The following KIF15 variants were observed in gnomAD, a reference collection of about 807,000 sequenced individuals.
The protein encoded by KIF15 is kinesin-like protein KIF15.
Under a neutral mutation model 190.6 loss-of-function variants are expected in KIF15, and 140 were observed. The ratio of observed to expected loss-of-function variants is 0.73; its 90% CI spans 0.64 to 0.84. The LOEUF is 0.84. Among genes scored for constraint, KIF15 ranks in the 40% least tolerant of loss-of-function variants. KIF15 has a pLI of 0.00. For synonymous variants in KIF15, 528 were observed against 551.3 expected, an observed-to-expected ratio of 0.96 and a Z score of 0.59; for missense variants, 1,372 against 1,584.4, an observed-to-expected ratio of 0.87 and a Z score of 2.28.
At chr3:44,802,359 T>C (rs977931813) in intron 13 of KIF15, among the ~76,000 whole-genome samples, 38 of 152,214 alleles carry the variant, frequency 2.5e-4, no homozygotes, top group Admixed American at 2.2e-3. Flanking sequence ...AAATCTCTTA[T>C]CAGCTTCTTG....
Position 44,824,456 on chromosome 3 carries a change from A to G in KIF15, c.2550-1583A>G, listed in dbSNP as rs556419058. Among the ~76,000 whole-genome samples the G allele has an allele frequency of 7.1e-4, 108 of 152,282 alleles. 1 individual carries two copies. Among genetic ancestry groups the G allele is most frequent in the Non-Finnish European group, 1.5e-3 (99 of 68,038 alleles). On this transcript the variant is annotated intron_variant, in intron 20 of 34. Coordinates refer to ENST00000326047, the MANE Select transcript of KIF15 (RefSeq NM_020242.3). Reference sequence around the variant, plus strand: ...TTGGCCTGTAATCTACTTGAAGTGCAGTGGTATAACCCAACTCAAATTAGT... The same window carrying G: ...TTGGCCTGTAATCTACTTGAAGTGCGGTGGTATAACCCAACTCAAATTAGT...
chr3:44,763,798 G>A (rs1003768414), intron 1 of KIF15, among the ~76,000 whole-genome samples: 1 of 149,338 alleles, frequency 6.7e-6, no homozygotes, highest in African/African-American at 2.5e-5. Flanking sequence ...AGCAGTACTC[G>A]TGCCTCAGCC....
chr3:44,829,994 C>T lies in KIF15; in HGVS notation c.2967C>T (p.Asn989=), dbSNP rs772767230. 6.3e-7 allele frequency: 1 copy of T among 1,590,458 alleles called. No homozygotes were observed. The highest frequency in any genetic ancestry group is 8.5e-7 in the Non-Finnish European group (1 of 1,170,414). Residue 989 remains asparagine (N), a synonymous_variant, in exon 25 of 35, where the codon AAC becomes AAT. Transcript: ENST00000326047. Reference sequence around the variant, plus strand: ...AGAAAGTTGTAGCTGACCTCATGAACCAGATCCAGGAGCTAAGAACATCGG... The same window carrying T: ...AGAAAGTTGTAGCTGACCTCATGAATCAGATCCAGGAGCTAAGAACATCGG... ...SDKKVVADLM[N]QIQELRTSVC...
At chr3:44,828,743 A>G (rs894082724) in intron 24 of KIF15, among the ~76,000 whole-genome samples, 1 of 152,258 alleles carries the variant, frequency 6.6e-6, no homozygotes, top group African/African-American at 2.4e-5. Flanking sequence ...AAATGATTAA[A>G]TGAAATATTA....
At chr3:44,803,398 T>A (rs1199683921) in intron 14 of KIF15, among the ~76,000 whole-genome samples, 3 of 152,222 alleles carry the variant, frequency 2.0e-5, no homozygotes, top group Non-Finnish European at 2.9e-5. Context: ...TATAGAAAGG[T>A]CAGACTCATA....
chr3:44,819,552 G>C (rs1285124801), intron 20 of KIF15, among the ~76,000 whole-genome samples: 1 of 152,218 alleles, frequency 6.6e-6, no homozygotes, highest in African/African-American at 2.4e-5. Context: ...TAGTGGTGCA[G>C]TTTTGAGTGA....
At chr3:44,861,766 A>G in intron 6 of KIF15, 1 of 788,584 alleles carries the variant, frequency 1.3e-6, no homozygotes. Context: ...GGTCTCTGCC[A>G]CCTGGCCCGC....
intron 10 of KIF15, among the ~76,000 whole-genome samples, chr3:44,800,077 G>A (rs1447784243): frequency 6.6e-6 from 1 of 152,130 alleles, no homozygotes. Context: ...CTAGTCAGCT[G>A]GGGGGCAGAG....
At chr3:44,832,485 A>G (rs1698119244) in intron 26 of KIF15, among the ~76,000 whole-genome samples, 1 of 152,130 alleles carries the variant, frequency 6.6e-6, no homozygotes, top group Admixed American at 6.5e-5. Flanking sequence ...TGAAGGGAAG[A>G]AGCAGTCAGA....
intron 1 of KIF15, 109 bp downstream of exon 1, chr3:44,761,993 G>C: frequency 7.3e-7 from 1 of 1,376,614 alleles, no homozygotes; most frequent in Non-Finnish European, 1.0e-6. Flanking sequence ...ATGAACTGCA[G>C]GAGCTGAGTG....
intron 29 of KIF15, 139 bp downstream of exon 29, chr3:44,841,377 A>C: frequency 1.7e-6 from 1 of 581,812 alleles, no homozygotes; most frequent in Non-Finnish European, 3.0e-6. Context: ...CACCATGCCC[A>C]GCCAGTAAAT....
intron 26 of KIF15, among the ~76,000 whole-genome samples, chr3:44,835,885 A>T (rs1698286093): frequency 1.3e-5 from 2 of 152,236 alleles, no homozygotes. Context: ...AGAGTTCTGT[A>T]CAAATGATGA....
intron 8 of KIF15, among the ~76,000 whole-genome samples, chr3:44,794,918 C>T (rs142984004): frequency 3.2e-4 from 49 of 152,100 alleles, no homozygotes; most frequent in South Asian, 1.7e-3. Flanking sequence ...GCTGAGATCG[C>T]GCCACTGCAC....
At chr3:44,780,006 T>G (rs771640078) in intron 4 of KIF15, among the ~76,000 whole-genome samples, 40 of 152,158 alleles carry the variant, frequency 2.6e-4, no homozygotes, top group African/African-American at 9.4e-4. Flanking sequence ...AAATTTTCTG[T>G]TTTTGCTGTG....
At chr3:44,864,064 G>A (rs975632486) in intron 6 of KIF15, 1 of 1,035,372 alleles carries the variant, frequency 9.7e-7, no homozygotes, top group Non-Finnish European at 1.4e-6. Flanking sequence ...GGAAAGCTCT[G>A]AGGCCCTCTG....
At chr3:44,834,374 G>A (rs1698208778) in intron 26 of KIF15, among the ~76,000 whole-genome samples, 1 of 152,152 alleles carries the variant, frequency 6.6e-6, no homozygotes, top group African/African-American at 2.4e-5. Flanking sequence ...ATGGTCATGA[G>A]TGTCTACATG....
At chr3:44,765,219 T>G (rs1453867838) in intron 1 of KIF15, among the ~76,000 whole-genome samples, 1 of 152,234 alleles carries the variant, frequency 6.6e-6, no homozygotes, top group East Asian at 1.9e-4. Context: ...CATTTTACTT[T>G]GGGTTCCTTT....
chr3:44,845,700 A>G (rs918088159), intron 30 of KIF15, among the ~76,000 whole-genome samples: 1 of 152,102 alleles, frequency 6.6e-6, no homozygotes, highest in African/African-American at 2.4e-5. Context: ...GCACATGCCT[A>G]TAATATACCT....
At chr3:44,803,097 T>C in intron 14 of KIF15, 106 bp downstream of exon 14, 1 of 884,306 alleles carries the variant, frequency 1.1e-6, no homozygotes, top group Non-Finnish European at 1.7e-6. Flanking sequence ...CCAGGCCTGC[T>C]ATGCTAATGT....
Sources: allele counts gnomAD v4.1 joint callset (sites outside exome capture counted in the v4.1 genomes callset), GRCh38; gene constraint gnomAD v4.1.1; transcripts MANE v1.5; gene names NCBI Gene and HGNC (gene_info 2026-07-23, HGNC 2026-07-21).